NFATC2: variants seen among roughly 807,000 people sequenced by gnomAD.
The protein encoded by NFATC2 is nuclear factor of activated T cells 2.
Under a neutral mutation model 87.3 loss-of-function variants are expected in NFATC2, and 22 were observed. The observed-to-expected ratio is 0.25, with a 90% CI of 0.18 to 0.36. The LOEUF is 0.36. Among genes scored for constraint, NFATC2 ranks in the 10% least tolerant of loss-of-function variants. The pLI is 1.00. For synonymous variants in NFATC2, 565 were observed against 542.2 expected, an observed-to-expected ratio of 1.04 and a Z score of -0.58; for missense variants, 1,149 against 1,259.1, an observed-to-expected ratio of 0.91 and a Z score of 1.32.
At position 51,480,472 on chromosome 20, in the gene NFATC2, G is replaced by A. The variant is rs1989155542; in HGVS notation, c.1333-4812C>T. Among the ~76,000 whole-genome samples the A allele has an allele frequency of 6.6e-6, 1 of 152,202 alleles. No individual in the cohort carries two copies. Among genetic ancestry groups the A allele is most frequent in the Non-Finnish European group, 1.5e-5 (1 of 68,042 alleles). On this transcript the variant is annotated intron_variant, in intron 3 of 10. Transcript: ENST00000371564. The surrounding 1 kb of genome is among the most constrained non-coding windows in gnomAD (Gnocchi z 4.2). ...CCAAGAATGGCCTCTCTGAGTTGAA[G>A]AGCAGCCTCTGGGTTGAGCTGGGCT...
intron 9 of NFATC2, among the ~76,000 whole-genome samples, chr20:51,421,317 A>T (rs1006998969): frequency 2.6e-5 from 4 of 152,116 alleles, no homozygotes; most frequent in African/African-American, 9.7e-5. Flanking sequence ...AGCCACAAGG[A>T]GGGGAAGGAA....
chr20:51,478,042 G>GA (rs1157765825), intron 3 of NFATC2, among the ~76,000 whole-genome samples: 4 of 152,130 alleles, frequency 2.6e-5, no homozygotes, highest in African/African-American at 9.7e-5. Context: ...GGTCTAGAAA[G>GA]ATGGCATGCT....
chr20:51,504,420 C>T (rs2076143086), intron 3 of NFATC2, among the ~76,000 whole-genome samples: 1 of 152,078 alleles, frequency 6.6e-6, no homozygotes, highest in Non-Finnish European at 1.5e-5. Context: ...ATAGGCATGA[C>T]TCAAAGTACC....
chr20:51,506,707 A>T (rs2076187986), intron 3 of NFATC2, among the ~76,000 whole-genome samples: 1 of 151,830 alleles, frequency 6.6e-6, no homozygotes, highest in Admixed American at 6.6e-5. Context: ...ACTCCTATGA[A>T]CATCAGCCTC....
chr20:51,433,247 T>C (rs573706821), intron 8 of NFATC2, among the ~76,000 whole-genome samples: 2 of 152,330 alleles, frequency 1.3e-5, no homozygotes, highest in East Asian at 3.9e-4. Context: ...TGTCTGGTTT[T>C]TGATCCTCAT....
chr20:51,527,967 G>T (rs915214934), intron 1 of NFATC2, among the ~76,000 whole-genome samples: 2 of 151,652 alleles, frequency 1.3e-5, no homozygotes, highest in Admixed American at 1.3e-4. Context: ...AGCTGGGCAT[G>T]GTGGCACCTA....
upstream of NFATC2, chr20:51,562,781 G>A: frequency 3.2e-6 from 2 of 631,406 alleles, no homozygotes; most frequent in Non-Finnish European, 5.3e-6. The surrounding 1 kb of genome is among the most constrained non-coding windows in gnomAD (Gnocchi z 5.8). Flanking sequence ...GCGCCTCCCG[G>A]CTCCCGGCTC....
At chr20:51,427,398 T>C (rs1447283426) in intron 9 of NFATC2, among the ~76,000 whole-genome samples, 1 of 152,252 alleles carries the variant, frequency 6.6e-6, no homozygotes, top group African/African-American at 2.4e-5. Context: ...GAGAATTACC[T>C]GTGTATTGAT....
intron 9 of NFATC2, among the ~76,000 whole-genome samples, chr20:51,416,867 G>A (rs998920249): frequency 6.6e-6 from 1 of 152,128 alleles, no homozygotes; most frequent in African/African-American, 2.4e-5. Flanking sequence ...GGGACAGTAG[G>A]GGCAGTAGCA....
At chr20:51,501,938 G>A (rs1376139121) in intron 3 of NFATC2, among the ~76,000 whole-genome samples, 2 of 152,248 alleles carry the variant, frequency 1.3e-5, no homozygotes, top group Non-Finnish European at 2.9e-5. Flanking sequence ...GAGACAATAT[G>A]CAAATACGTA....
rs187851179 is a variant in NFATC2 at position 51,406,765 on chromosome 20, G to A, written c.2723-8035C>T. ...CCACGTAAGCCATCCTCTCTAGAGAGGGTGTGACATCTTAGCTCCATAGCG... is the reference window on the plus strand; with the variant it reads ...CCACGTAAGCCATCCTCTCTAGAGAAGGTGTGACATCTTAGCTCCATAGCG... On this transcript the variant is annotated intron_variant, in intron 9 of 10. Coordinates refer to ENST00000371564, the MANE Select transcript of NFATC2 (RefSeq NM_012340.5). 3.1e-4 allele frequency among the ~76,000 whole-genome samples: 47 copies of A among 152,334 alleles called. No individual in the cohort carries two copies. In the East Asian group the frequency reaches 7.9e-3, roughly 26 times the overall value.
chr20:51,553,374 G>A (rs1601016441), intron 1 of NFATC2, among the ~76,000 whole-genome samples: 1 of 152,124 alleles, frequency 6.6e-6, no homozygotes. Flanking sequence ...GGGTAAAAAC[G>A]TTTAGAAGGA....
chr20:51,438,789 T>G (rs1983930344), intron 6 of NFATC2, among the ~76,000 whole-genome samples: 1 of 152,036 alleles, frequency 6.6e-6, no homozygotes, highest in Non-Finnish European at 1.5e-5. Context: ...TTCTTGAGAG[T>G]ACCCTTAGAA....
intron 5 of NFATC2, among the ~76,000 whole-genome samples, chr20:51,469,297 G>A (rs78065590): frequency 8.5e-4 from 130 of 152,278 alleles, no homozygotes; most frequent in Middle Eastern, 3.4e-3. Context: ...GATTATAGAC[G>A]TGAGCCACCG....
At chr20:51,477,557 A>G (rs1196590018) in intron 3 of NFATC2, among the ~76,000 whole-genome samples, 4 of 121,310 alleles carry the variant, frequency 3.3e-5, no homozygotes, top group Admixed American at 8.2e-5. Flanking sequence ...ATATATATAT[A>G]TATATATATA....
At chr20:51,473,258 G>A (rs1380201261) in intron 5 of NFATC2, among the ~76,000 whole-genome samples, 2 of 152,064 alleles carry the variant, frequency 1.3e-5, no homozygotes, top group African/African-American at 2.4e-5. Flanking sequence ...AAAGTGTCCT[G>A]CTCATCTATG....
At chr20:51,472,311 G>A (rs577194567) in intron 5 of NFATC2, among the ~76,000 whole-genome samples, 13 of 152,200 alleles carry the variant, frequency 8.5e-5, no homozygotes, top group Admixed American at 2.6e-4. Context: ...ATATTCCCAC[G>A]TGGAAATACT....
At chr20:51,494,985 A>G (rs1237615743) in intron 3 of NFATC2, among the ~76,000 whole-genome samples, 1 of 152,180 alleles carries the variant, frequency 6.6e-6, no homozygotes, top group Non-Finnish European at 1.5e-5. Flanking sequence ...TGGACACCCA[A>G]TCCCAACATG....
intron 3 of NFATC2, among the ~76,000 whole-genome samples, chr20:51,495,212 G>A (rs1275512713): frequency 6.6e-6 from 1 of 152,188 alleles, no homozygotes. Context: ...AGCCTCTGGA[G>A]TAGCTGGGAC....
Sources: allele counts gnomAD v4.1 joint callset (sites outside exome capture counted in the v4.1 genomes callset), GRCh38; gene constraint gnomAD v4.1.1; non-coding constraint Gnocchi (gnomAD v3.1); transcripts MANE v1.5; gene names NCBI Gene and HGNC (gene_info 2026-07-23, HGNC 2026-07-21).